Variants in CNBD1 observed in about 807,000 individuals in gnomAD.
CNBD1 encodes cyclic nucleotide-binding domain-containing protein 1.
CNBD1 carries 71 observed loss-of-function variants against 54.4 expected under a neutral mutation model. That is an observed-to-expected ratio of 1.30 (90% CI 1.08 to 1.59). The LOEUF is 1.59. Among genes scored for constraint, CNBD1 ranks in the 40% most tolerant of loss-of-function variants. CNBD1 has a pLI of 0.00. For missense variants in CNBD1, 659 were observed against 518.0 expected (o/e 1.27, Z -2.64); for synonymous variants, 182 against 170.7 (o/e 1.07, Z -0.51).
chr8:87,055,820 C>G lies in CNBD1; in HGVS notation c.431+116066C>G, dbSNP rs112346660. Among the ~76,000 whole-genome samples, 370 of 149,804 alleles carry G rather than the reference C, an allele frequency of 2.5e-3. 4 individuals carry two copies. Among genetic ancestry groups the G allele is most frequent in the African/African-American group, 8.8e-3 (357 of 40,542 alleles). The stretch of plus-strand genomic sequence containing the variant: ...CTTTCTTTTCATCCATCCCTTCCTT[C>G]CTTCCCTCCCTCTCTCTTTCCTTCC... On this transcript the variant is annotated intron_variant, in intron 4 of 10. Transcript: ENST00000518476.
chr8:87,287,852 T>G (rs927671587), intron 8 of CNBD1, among the ~76,000 whole-genome samples: 5 of 152,132 alleles, frequency 3.3e-5, no homozygotes, highest in Non-Finnish European at 7.4e-5. Flanking sequence ...TGCATTTATA[T>G]TTTATTTATC....
chr8:87,171,490 T>C (rs1001673595), intron 4 of CNBD1, among the ~76,000 whole-genome samples: 2 of 152,038 alleles, frequency 1.3e-5, no homozygotes, highest in South Asian at 2.1e-4. Context: ...TTTTATATTG[T>C]TTCCTTGGTT....
At chr8:86,905,020 C>T (rs1808995018) in intron 2 of CNBD1, 61 bp from the exon 3 acceptor site, 1 of 967,880 alleles carries the variant, frequency 1.0e-6, no homozygotes, top group Non-Finnish European at 1.6e-6. Context: ...AGTTAAAAAT[C>T]TTTCTCTTGG....
At chr8:87,389,340 A>G (rs1811259618) in intron 2 of CNBD1, among the ~76,000 whole-genome samples, 1 of 152,196 alleles carries the variant, frequency 6.6e-6, no homozygotes. Context: ...ATGATTGTGT[A>G]TCTAGAAAAC....
intron 5 of CNBD1, among the ~76,000 whole-genome samples, chr8:87,210,411 G>T (rs1414141640): frequency 1.3e-5 from 2 of 152,180 alleles, no homozygotes; most frequent in Non-Finnish European, 2.9e-5. Context: ...AGAGCTAGGT[G>T]CTGATAGCCA....
chr8:86,991,638 C>G (rs948087465), intron 4 of CNBD1, among the ~76,000 whole-genome samples: 4 of 152,068 alleles, frequency 2.6e-5, no homozygotes, highest in African/African-American at 9.7e-5. Context: ...TTTCTAACTT[C>G]TTGATGAAGG....
chr8:87,089,300 A>G (rs1182720425), intron 4 of CNBD1, among the ~76,000 whole-genome samples: 1 of 152,104 alleles, frequency 6.6e-6, no homozygotes, highest in Non-Finnish European at 1.5e-5. Flanking sequence ...TAATCTAAAT[A>G]TACTTTAAGA....
chr8:87,305,599 C>T (rs559560511), intron 8 of CNBD1, among the ~76,000 whole-genome samples: 1 of 151,998 alleles, frequency 6.6e-6, no homozygotes, highest in African/African-American at 2.4e-5. Flanking sequence ...AGAAATAAAC[C>T]CAAGTACTTA....
chr8:87,368,646 G>A (rs970622462), intron 10 of CNBD1, among the ~76,000 whole-genome samples: 3 of 151,842 alleles, frequency 2.0e-5, no homozygotes, highest in African/African-American at 7.3e-5. Flanking sequence ...CAAAAAGAGA[G>A]GGAGAGAGAG....
intron 6 of CNBD1, among the ~76,000 whole-genome samples, chr8:87,269,726 A>T (rs566692695): frequency 6.6e-6 from 1 of 152,128 alleles, no homozygotes; most frequent in South Asian, 2.1e-4. Context: ...AAGAAACTGA[A>T]ATCCTGAACA....
At chr8:86,964,594 G>T (rs772366733) in intron 4 of CNBD1, among the ~76,000 whole-genome samples, 2 of 152,210 alleles carry the variant, frequency 1.3e-5, no homozygotes, top group Non-Finnish European at 2.9e-5. Flanking sequence ...TTTGCTGTAA[G>T]CCCTGAAGAG....
At chr8:87,260,637 G>T (rs1191005145) in intron 6 of CNBD1, among the ~76,000 whole-genome samples, 3 of 152,102 alleles carry the variant, frequency 2.0e-5, no homozygotes, top group African/African-American at 7.2e-5. Flanking sequence ...CTTTTGCCAG[G>T]ATGCCAGGTT....
intron 4 of CNBD1, among the ~76,000 whole-genome samples, chr8:87,175,199 C>A (rs1256494521): frequency 6.6e-6 from 1 of 152,144 alleles, no homozygotes; most frequent in Non-Finnish European, 1.5e-5. Context: ...AGGCCTTGAA[C>A]TGGGGACCAC....
chr8:86,931,674 G>A (rs1252529031), intron 3 of CNBD1, among the ~76,000 whole-genome samples: 1 of 152,052 alleles, frequency 6.6e-6, no homozygotes, highest in African/African-American at 2.4e-5. Context: ...AGAACACCAA[G>A]GTTGCCAGGT....
In CNBD1 at chr8:87,170,859, A is replaced by C. The variant is rs571235266; in HGVS notation, c.432-35134A>C. On this transcript the variant is annotated intron_variant, in intron 4 of 10. Transcript: ENST00000518476. ...TTAACCATTCTTGCATCCCTGGATA[A>C]ATCCCACTTGGTCATGATGAATGAT... is the stretch of plus-strand genomic sequence containing the variant. 1.8e-4 allele frequency among the ~76,000 whole-genome samples: 28 copies of C among 152,304 alleles called. No homozygotes were observed. In the East Asian group the frequency reaches 4.8e-3, roughly 26 times the overall value.
chr8:87,258,364 C>T (rs952596045), intron 6 of CNBD1, among the ~76,000 whole-genome samples: 15 of 152,044 alleles, frequency 9.9e-5, no homozygotes, highest in African/African-American at 3.4e-4. Context: ...TTTGTCTTTC[C>T]CTTCTTTATT....
intron 8 of CNBD1, among the ~76,000 whole-genome samples, chr8:87,290,247 GAAAA>G (rs947627925): frequency 1.3e-5 from 2 of 151,546 alleles, no homozygotes; most frequent in African/African-American, 4.8e-5. Context: ...CAAAAACAAA[GAAAA>G]AAGAGATCAA....
At chr8:87,414,370 T>C (rs1807802705) in intron 2 of CNBD1, among the ~76,000 whole-genome samples, 1 of 151,828 alleles carries the variant, frequency 6.6e-6, no homozygotes, top group Non-Finnish European at 1.5e-5. Context: ...CAGGGACTGT[T>C]GTGGGGTGGG....
chr8:87,338,137 A>T (rs946030195), intron 8 of CNBD1, among the ~76,000 whole-genome samples: 1 of 152,192 alleles, frequency 6.6e-6, no homozygotes, highest in African/African-American at 2.4e-5. Context: ...AAATAATACT[A>T]TACCACTTCA....
Sources: gnomAD v4.1 joint callset for allele counts (sites outside exome capture counted in the v4.1 genomes callset) on GRCh38, gnomAD v4.1.1 for gene constraint, MANE v1.5 for transcripts, NCBI Gene and HGNC (gene_info 2026-07-23, HGNC 2026-07-21) for gene names.